BORA: variants seen among roughly 807,000 people sequenced by gnomAD.
BORA encodes the protein BORA aurora kinase A activator, also known as protein aurora borealis.
In BORA, 26 loss-of-function variants were observed where a neutral mutation model predicts 55.8. The ratio of observed to expected loss-of-function variants is 0.47; its 90% CI spans 0.34 to 0.65. The LOEUF is 0.65. BORA is among the 30% of genes least tolerant of loss of function. BORA has a pLI of 0.01. For missense variants in BORA, 568 were observed against 671.5 expected, an observed-to-expected ratio of 0.85 and a Z score of 1.70; for synonymous variants, 201 against 216.9, an observed-to-expected ratio of 0.93 and a Z score of 0.64.
At chr13:72,748,243 TAAGTA>T (rs1435224229) in intron 10 of BORA, among the ~76,000 whole-genome samples, 2 of 152,210 alleles carry the variant, frequency 1.3e-5, no homozygotes, top group Non-Finnish European at 1.5e-5. Context: ...TCAGAGAGGT[TAAGTA>T]AATTACCTAA....
At chr13:72,748,224 A>C (rs1463948966) in intron 10 of BORA, among the ~76,000 whole-genome samples, 1 of 152,224 alleles carries the variant, frequency 6.6e-6, no homozygotes, top group Admixed American at 6.5e-5. Context: ...CAGATGAGGA[A>C]ACTGAGGGTC....
At chr13:72,734,865 A>T in intron 3 of BORA, 95 bp from the exon 4 acceptor site, 1 of 875,270 alleles carries the variant, frequency 1.1e-6, no homozygotes. Flanking sequence ...CCAGTTTTCA[A>T]TGAAGGGAGA....
intron 10 of BORA, among the ~76,000 whole-genome samples, chr13:72,748,597 T>C (rs1029649032): frequency 2.6e-5 from 4 of 152,184 alleles, no homozygotes; most frequent in Non-Finnish European, 5.9e-5. Context: ...AAAAAGATTA[T>C]ACTAGAATCA....
chr13:72,747,107 T>G lies in BORA; in HGVS notation c.1478T>G (p.Ile493Ser). The change falls in exon 10 of 12, where the codon ATT becomes AGT. Residue 493 changes from isoleucine (I) to serine (S), a missense_variant. Transcript: ENST00000390667. Reference sequence around the variant, plus strand: ...GTCATTCCTTGTGAAAGCAGTAACATTCAGGTAAGGTATTTAATATTCTAT... The same window carrying G: ...GTCATTCCTTGTGAAAGCAGTAACAGTCAGGTAAGGTATTTAATATTCTAT... ...SSVIPCESSN[I>S]QMDSGYNTQN... 6.2e-7 allele frequency: 1 copy of G among 1,613,006 alleles called. No homozygotes were observed. Among genetic ancestry groups the G allele is most frequent in the Non-Finnish European group, 8.5e-7 (1 of 1,179,764 alleles).
chr13:72,742,289 C>A (rs117519668), intron 5 of BORA, among the ~76,000 whole-genome samples: 4,157 of 151,598 alleles, frequency 0.027, 112 homozygotes, highest in Non-Finnish European at 0.038. Flanking sequence ...CTTGCTTTTT[C>A]TTCCTTTTAT....
chr13:72,749,669 C>G (rs924942094), intron 10 of BORA, among the ~76,000 whole-genome samples: 1 of 152,106 alleles, frequency 6.6e-6, no homozygotes, highest in Non-Finnish European at 1.5e-5. Flanking sequence ...TTTCTACTCT[C>G]CAGCTTGTTT....
chr13:72,737,368 C>T (rs374013167), intron 4 of BORA, among the ~76,000 whole-genome samples: 1 of 152,104 alleles, frequency 6.6e-6, no homozygotes. Flanking sequence ...AGGAATTCCA[C>T]CATACAGATA....
intron 10 of BORA, among the ~76,000 whole-genome samples, chr13:72,748,425 T>C (rs951663803): frequency 6.6e-6 from 1 of 152,190 alleles, no homozygotes; most frequent in African/African-American, 2.4e-5. Context: ...TATTAATTCA[T>C]TTAATTCTCA....
At chr13:72,740,034 T>TA (rs2033005929) in intron 5 of BORA, among the ~76,000 whole-genome samples, 1 of 151,952 alleles carries the variant, frequency 6.6e-6, no homozygotes, top group African/African-American at 2.4e-5. Flanking sequence ...GTCAGTCAGG[T>TA]AGGCCATATG....
intron 4 of BORA, among the ~76,000 whole-genome samples, chr13:72,736,677 C>T (rs1593808526): frequency 6.6e-6 from 1 of 151,988 alleles, no homozygotes. Flanking sequence ...TCTTTATATT[C>T]TTGAAATGGA....
rs1396040306 is a variant in BORA at position 72,755,981 on chromosome 13, A to G, written c.*765A>G. ...CCAAGAGAAAAAGTGGGGCTGGGAG[A>G]GTGGAGTTCCCGTAGGGCATAGGCC... On this transcript the variant is annotated 3_prime_UTR_variant, in exon 12 of 12. Coordinates refer to ENST00000390667, the MANE Select transcript of BORA (RefSeq NM_024808.5). 1 of 398,406 alleles carries G rather than the reference A, an allele frequency of 2.5e-6. No homozygotes were observed. The highest frequency in any genetic ancestry group is 4.4e-6 in the Non-Finnish European group (1 of 226,066). 24.7% of individuals were successfully genotyped at this position (398,406 alleles called of 1,614,324 possible).
Position 72,753,803 on chromosome 13 carries a change from T to C in BORA, c.1596T>C (p.Ser532=). Residue 532 remains serine (S), a synonymous_variant, in exon 11 of 12, where the codon TCT becomes TCC. Transcript: ENST00000390667. ...AAACATGTGAAGTTGAGAGTAAATC[T>C]CAAGCATTTAATATGAAGGTACGGA... ...DAQTCEVESK[S]QAFNMKQDHT... is the part of the protein sequence containing the mutation. 1.2e-6 allele frequency: 2 copies of C among 1,612,950 alleles called. No homozygotes were observed. Among genetic ancestry groups the C allele is most frequent in the South Asian group, 1.1e-5 (1 of 90,962 alleles).
chr13:72,730,338 C>A (rs1162712621), intron 2 of BORA, among the ~76,000 whole-genome samples: 1 of 152,088 alleles, frequency 6.6e-6, no homozygotes, highest in Non-Finnish European at 1.5e-5. Context: ...CTTGGTCTTA[C>A]TAAAAATAAA....
At chr13:72,750,285 T>A (rs972487435) in intron 10 of BORA, among the ~76,000 whole-genome samples, 1 of 152,206 alleles carries the variant, frequency 6.6e-6, no homozygotes, top group Non-Finnish European at 1.5e-5. Flanking sequence ...GAAAAGGGGC[T>A]AATGGACTAA....
intron 5 of BORA, among the ~76,000 whole-genome samples, chr13:72,738,803 G>T (rs80268362): frequency 0.1 from 15,979 of 152,182 alleles, 1,136 homozygotes; most frequent in Non-Finnish European, 0.16. Flanking sequence ...ACAGTGCTAA[G>T]TGCTTTCAGT....
At chr13:72,751,819 CAT>C (rs1431685302) in intron 10 of BORA, among the ~76,000 whole-genome samples, 3 of 152,124 alleles carry the variant, frequency 2.0e-5, no homozygotes, top group Non-Finnish European at 4.4e-5. Flanking sequence ...ATATTGTAAA[CAT>C]ATCAAAATAT....
intron 3 of BORA, among the ~76,000 whole-genome samples, chr13:72,731,946 T>C (rs773215751): frequency 1.3e-5 from 2 of 152,228 alleles, no homozygotes; most frequent in Non-Finnish European, 1.5e-5. Flanking sequence ...TGCAGTCTTA[T>C]TTGTTGATGT....
Position 72,744,976 on chromosome 13 carries a change from T to TATTAAATTATTAA in BORA, c.512-3_512-2insTAAATTATTAAAT. ...CTTTGCCTTTTCTCCTATTATTAAATATAGGTGACTATTTTAGAGCTGATG... is the reference window on the plus strand; with the variant it reads ...CTTTGCCTTTTCTCCTATTATTAAATATTAAATTATTAAATAGGTGACTATTTTAGAGCTGATG... On this transcript the variant is annotated splice_region_variant and splice_polypyrimidine_tract_variant and intron_variant, in intron 7 of 11. Transcript: ENST00000390667. 3 of 1,609,494 alleles carry TATTAAATTATTAA rather than the reference T, an allele frequency of 1.9e-6. No homozygotes were observed. Among genetic ancestry groups the TATTAAATTATTAA allele is most frequent in the Non-Finnish European group, 2.6e-6 (3 of 1,176,240 alleles).
intron 5 of BORA, among the ~76,000 whole-genome samples, chr13:72,742,681 G>A (rs1400145947): frequency 6.6e-6 from 1 of 151,274 alleles, no homozygotes; most frequent in Non-Finnish European, 1.5e-5. Context: ...TTGCTGCATC[G>A]TTAATCACAA....
Sources: gnomAD v4.1 joint callset for allele counts (sites outside exome capture counted in the v4.1 genomes callset) on GRCh38, gnomAD v4.1.1 for gene constraint, MANE v1.5 for transcripts, NCBI Gene and HGNC (gene_info 2026-07-23, HGNC 2026-07-21) for gene names.